GRM4: variants seen among roughly 807,000 people sequenced by gnomAD.
The protein encoded by GRM4 is glutamate metabotropic receptor 4.
Under a neutral mutation model 81.7 loss-of-function variants are expected in GRM4, and 28 were observed. The observed-to-expected ratio is 0.34, with a 90% CI of 0.25 to 0.47. The LOEUF is 0.47. Ranked by LOEUF, GRM4 falls within the 20% of genes least tolerant of loss-of-function variation. The pLI is 1.00. For synonymous variants in GRM4, 488 were observed against 528.8 expected, an observed-to-expected ratio of 0.92 and a Z score of 1.06; for missense variants, 948 against 1,290.0, an observed-to-expected ratio of 0.73 and a Z score of 4.06.
chr6:34,094,954 G>A (rs1487730530), intron 2 of GRM4, among the ~76,000 whole-genome samples: 1 of 152,206 alleles, frequency 6.6e-6, no homozygotes, highest in Non-Finnish European at 1.5e-5. Context: ...GTGGATGGAC[G>A]GATGGATGTC....
At chr6:34,151,382 C>T (rs534337026) in intron 1 of GRM4, among the ~76,000 whole-genome samples, 2 of 152,354 alleles carry the variant, frequency 1.3e-5, no homozygotes, top group East Asian at 3.9e-4. Flanking sequence ...CTCTTTGCCT[C>T]GCTGCAATTT....
chr6:34,024,752 C>G (rs1260513457), intron 10 of GRM4: 1 of 455,968 alleles, frequency 2.2e-6, no homozygotes, highest in Admixed American at 2.3e-5. Flanking sequence ...TGAAGAATCA[C>G]TTAGCCGGAT....
intron 10 of GRM4, among the ~76,000 whole-genome samples, chr6:34,025,111 C>T (rs1764066528): frequency 6.6e-6 from 1 of 152,186 alleles, no homozygotes; most frequent in Non-Finnish European, 1.5e-5. Context: ...GGCAGCTCTT[C>T]CCCTCCTTTG....
intron 8 of GRM4, among the ~76,000 whole-genome samples, chr6:34,039,892 G>A (rs1286416496): frequency 6.7e-6 from 1 of 150,202 alleles, no homozygotes; most frequent in Non-Finnish European, 1.5e-5. Flanking sequence ...TCTATCCAGA[G>A]TCCCCCCATC....
intron 2 of GRM4, among the ~76,000 whole-genome samples, chr6:34,098,586 G>A (rs765614841): frequency 2.0e-5 from 3 of 152,244 alleles, no homozygotes; most frequent in South Asian, 4.1e-4. Context: ...GACCCTGCAC[G>A]GGGCCAGCAC....
chr6:34,027,040 G>T (rs1264870369), intron 10 of GRM4, among the ~76,000 whole-genome samples: 1 of 152,062 alleles, frequency 6.6e-6, no homozygotes, highest in Non-Finnish European at 1.5e-5. Flanking sequence ...AAGGCCAAAG[G>T]TGGGAGTCCC....
At position 34,035,646 on chromosome 6, in the gene GRM4, A is replaced by T; in HGVS notation, c.2442+22T>A. The T allele has an allele frequency of 1.1e-6, 1 of 924,024 alleles. No homozygotes were observed. Among genetic ancestry groups the T allele is most frequent in the Non-Finnish European group, 1.6e-6 (1 of 608,226 alleles). 57.2% of individuals were successfully genotyped at this position (924,024 alleles called of 1,614,324 possible). A position where few individuals can be genotyped will look rare whatever the true frequency, so the allele number is the denominator to read the frequency against. On this transcript the variant is annotated intron_variant, in intron 9 of 10. Transcript: ENST00000538487. The surrounding 1 kb of genome is among the most constrained non-coding windows in gnomAD (Gnocchi z 6.6). The stretch of plus-strand genomic sequence containing the variant: ...CACTGCCCTCACCTACCCACCGTCC[A>T]CCCCCGGCCCCCACCACTCACCTTG...
chr6:34,123,086 C>A (rs147703699), intron 2 of GRM4, among the ~76,000 whole-genome samples: 21 of 152,314 alleles, frequency 1.4e-4, no homozygotes, highest in Middle Eastern at 3.4e-3. Flanking sequence ...GAGAGGGCGG[C>A]CACGTTACCC....
chr6:34,106,130 C>T (rs1769114826), intron 2 of GRM4, among the ~76,000 whole-genome samples: 1 of 152,142 alleles, frequency 6.6e-6, no homozygotes. Context: ...AGGATCCCAT[C>T]ATGGCCAGGC....
chr6:34,068,317 C>T lies in GRM4; in HGVS notation c.737-6289G>A, dbSNP rs977919605. On this transcript the variant is annotated intron_variant, in intron 3 of 10. Coordinates refer to ENST00000538487, the MANE Select transcript of GRM4 (RefSeq NM_000841.4). The surrounding 1 kb of genome is among the most constrained non-coding windows in gnomAD (Gnocchi z 4.2). The stretch of plus-strand genomic sequence containing the variant: ...CCCGAGACCCCAGGAATTGAGAACA[C>T]TCTGGACTTGTAAATCCCACTTACC... 1.3e-5 allele frequency among the ~76,000 whole-genome samples: 2 copies of T among 152,168 alleles called. No individual in the cohort carries two copies. Among genetic ancestry groups the T allele is most frequent in the Non-Finnish European group, 2.9e-5 (2 of 68,036 alleles).
In GRM4 at chr6:34,020,101, C is replaced by T. The variant is rs1195679666; in HGVS notation, c.*2720G>A. The stretch of plus-strand genomic sequence containing the variant: ...AAAGTCACACCCACCCAAGGCTTCC[C>T]TCCTCCACCCACCTCATTCTAACAG... On this transcript the variant is annotated 3_prime_UTR_variant, in exon 11 of 11. Transcript: ENST00000538487. 6.6e-6 allele frequency: 1 copy of T among 152,622 alleles called. No homozygotes were observed. The highest frequency in any genetic ancestry group is 6.5e-5 in the Admixed American group (1 of 15,294). The allele number at this position is 152,622 out of a possible 1,614,324, so 9.5% of individuals were successfully genotyped here.
chr6:34,137,880 G>A (rs1770524755), intron 1 of GRM4, among the ~76,000 whole-genome samples: 1 of 150,770 alleles, frequency 6.6e-6, no homozygotes, highest in Non-Finnish European at 1.5e-5. Context: ...ACAGGTGTCA[G>A]CCACTTTGCC....
chr6:34,028,021 G>C, intron 10 of GRM4, 99 bp downstream of exon 10: 1 of 1,325,138 alleles, frequency 7.5e-7, no homozygotes, highest in Non-Finnish European at 1.0e-6. Flanking sequence ...ATGGGGCATC[G>C]GGGCAGGGCG....
chr6:34,084,593 G>A (rs1350278377), intron 3 of GRM4, among the ~76,000 whole-genome samples: 1 of 152,174 alleles, frequency 6.6e-6, no homozygotes, highest in Non-Finnish European at 1.5e-5. Flanking sequence ...AGTGGAGATG[G>A]TCAGCCAAGC....
At position 34,023,010 on chromosome 6, in the gene GRM4, G is replaced by A. The variant is rs188143348; in HGVS notation, c.2690-140C>T. On this transcript the variant is annotated intron_variant, in intron 10 of 10. Coordinates refer to ENST00000538487, the MANE Select transcript of GRM4 (RefSeq NM_000841.4). Reference sequence around the variant, plus strand: ...GCATCCAGTCCTGAGCTGAGCAATCGACACTGCCCCAAACTGCACCGGCCC... The same window carrying A: ...GCATCCAGTCCTGAGCTGAGCAATCAACACTGCCCCAAACTGCACCGGCCC... 4.6e-4 allele frequency: 333 copies of A among 719,274 alleles called. No homozygotes were observed. The African/African-American group carries it at 4.8e-3, about 10-fold the overall frequency. 44.6% of individuals were successfully genotyped at this position (719,274 alleles called of 1,614,324 possible).
At chr6:34,063,220 A>C (rs1766272631) in intron 3 of GRM4, 1 of 152,306 alleles carries the variant, frequency 6.6e-6, no homozygotes, top group African/African-American at 2.4e-5. Flanking sequence ...TTCTACACAG[A>C]CTTGCCCCAT....
At position 34,048,718 on chromosome 6, in the gene GRM4, T is replaced by C. The variant is rs1434900925; in HGVS notation, c.1168+7826A>G. On this transcript the variant is annotated intron_variant, in intron 6 of 10. Transcript: ENST00000538487. The surrounding 1 kb of genome is among the most constrained non-coding windows in gnomAD (Gnocchi z 4.0). ...GGATCATGGGGGTGGATTTCCCCCA[T>C]GCTGTTTTCATGATAGTGAGTTCTC... Among the ~76,000 whole-genome samples, 1 of 152,056 alleles carries C rather than the reference T, an allele frequency of 6.6e-6. No homozygotes were observed. The highest frequency in any genetic ancestry group is 1.5e-5 in the Non-Finnish European group (1 of 67,990).
intron 3 of GRM4, among the ~76,000 whole-genome samples, chr6:34,065,895 C>T (rs1766437136): frequency 6.6e-6 from 1 of 152,146 alleles, no homozygotes; most frequent in Admixed American, 6.5e-5. Context: ...CACCACTGCG[C>T]TGGGAAGTTT....
intron 3 of GRM4, among the ~76,000 whole-genome samples, chr6:34,086,278 C>T (rs944239473): frequency 3.9e-5 from 6 of 152,216 alleles, no homozygotes; most frequent in East Asian, 3.9e-4. Context: ...GTCTCCTCAG[C>T]GGGCTGCCAG....
Sources: allele counts gnomAD v4.1 joint callset (sites outside exome capture counted in the v4.1 genomes callset), GRCh38; gene constraint gnomAD v4.1.1; non-coding constraint Gnocchi (gnomAD v3.1); transcripts MANE v1.5; gene names NCBI Gene and HGNC (gene_info 2026-07-23, HGNC 2026-07-21).